The following COMMD10 variants were observed in gnomAD, a reference collection of about 807,000 sequenced individuals.
COMMD10 encodes the protein COMM domain-containing protein 10.
Under a neutral mutation model 28.9 loss-of-function variants are expected in COMMD10, and 33 were observed. The observed-to-expected ratio is 1.14, with a 90% CI of 0.87 to 1.53. The LOEUF is 1.53. COMMD10 is among the 40% of genes most tolerant of loss of function. COMMD10 has a pLI of 0.00. For synonymous variants in COMMD10, 110 were observed against 81.7 expected, an observed-to-expected ratio of 1.35 and a Z score of -1.87; for missense variants, 310 against 233.4, an observed-to-expected ratio of 1.33 and a Z score of -2.14.
At chr5:116,111,425 A>T (rs1012697099) in intron 4 of COMMD10, among the ~76,000 whole-genome samples, 2 of 58,516 alleles carry the variant, frequency 3.4e-5, no homozygotes, top group South Asian at 1.5e-3. Flanking sequence ...ATTCCTTCTT[A>T]GCACTGGTTT....
At chr5:116,094,152 A>G (rs570378755) in intron 4 of COMMD10, among the ~76,000 whole-genome samples, 2 of 152,296 alleles carry the variant, frequency 1.3e-5, no homozygotes, top group East Asian at 1.9e-4. Context: ...TGGACAAAAA[A>G]CCCCAAAATA....
At chr5:116,287,398 T>C (rs28857515) in intron 5 of COMMD10, among the ~76,000 whole-genome samples, 3,373 of 151,888 alleles carry the variant, frequency 0.022, 190 homozygotes, top group African/African-American at 0.078. Context: ...TAGCCACTTC[T>C]GCTCTCTTTT....
chr5:116,248,591 C>G (rs1273707306), intron 5 of COMMD10, among the ~76,000 whole-genome samples: 1 of 151,804 alleles, frequency 6.6e-6, no homozygotes, highest in African/African-American at 2.4e-5. Context: ...TACATTTGTC[C>G]TGGTCTAAAG....
intron 4 of COMMD10, among the ~76,000 whole-genome samples, chr5:116,097,776 G>A (rs994448776): frequency 2.6e-5 from 4 of 152,116 alleles, no homozygotes; most frequent in African/African-American, 9.7e-5. Flanking sequence ...TGAATGGGGA[G>A]CAGGTGTCTT....
chr5:116,210,916 C>T (rs1446280700), intron 5 of COMMD10, among the ~76,000 whole-genome samples: 1 of 151,822 alleles, frequency 6.6e-6, no homozygotes, highest in East Asian at 1.9e-4. Context: ...TATTATTCCT[C>T]TAGAAAAGAT....
At chr5:116,235,054 A>T (rs1399316817) in intron 5 of COMMD10, among the ~76,000 whole-genome samples, 3 of 152,170 alleles carry the variant, frequency 2.0e-5, no homozygotes, top group Non-Finnish European at 4.4e-5. Flanking sequence ...ATAAAAATCA[A>T]TCATTTGTAT....
intron 5 of COMMD10, among the ~76,000 whole-genome samples, chr5:116,221,430 G>T (rs1177933913): frequency 6.6e-6 from 1 of 152,130 alleles, no homozygotes; most frequent in Non-Finnish European, 1.5e-5. Context: ...CGTTACTGTA[G>T]ATCAGGCGTA....
At position 116,241,714 on chromosome 5, in the gene COMMD10, G is replaced by A. The variant is rs755312013; in HGVS notation, c.511-49803G>A. On this transcript the variant is annotated intron_variant, in intron 5 of 6. Transcript: ENST00000274458. ...TGAATGCTCCGCCTCCCGGGTTCTC[G>A]CCATTCTTCTGCCTTAGCCTTCTGA... Among the ~76,000 whole-genome samples the A allele has an allele frequency of 1.7e-4, 26 of 151,906 alleles. 1 individual carries two copies. Among genetic ancestry groups the A allele is most frequent in the Non-Finnish European group, 2.5e-4 (17 of 67,984 alleles).
chr5:116,271,674 G>A (rs1241685885), intron 5 of COMMD10, among the ~76,000 whole-genome samples: 2 of 151,826 alleles, frequency 1.3e-5, no homozygotes, highest in African/African-American at 2.4e-5. Flanking sequence ...ATTAGAAGGA[G>A]CCTATGTCTA....
At chr5:116,227,785 G>T (rs1749434829) in intron 5 of COMMD10, among the ~76,000 whole-genome samples, 1 of 152,034 alleles carries the variant, frequency 6.6e-6, no homozygotes, top group East Asian at 1.9e-4. Flanking sequence ...TACTATCAGT[G>T]CCTTTAATCA....
chr5:116,258,295 C>A (rs1049523111), intron 5 of COMMD10, among the ~76,000 whole-genome samples: 1 of 151,726 alleles, frequency 6.6e-6, no homozygotes, highest in Non-Finnish European at 1.5e-5. Flanking sequence ...AGCACACTTA[C>A]TCTCTTCCTC....
intron 5 of COMMD10, among the ~76,000 whole-genome samples, chr5:116,196,840 A>C (rs181905917): frequency 6.6e-6 from 1 of 152,090 alleles, no homozygotes; most frequent in East Asian, 1.9e-4. Context: ...TCATATTACT[A>C]ATTTTCAAAT....
intron 5 of COMMD10, among the ~76,000 whole-genome samples, chr5:116,202,531 A>T (rs546131570): frequency 3.3e-5 from 5 of 151,124 alleles, no homozygotes; most frequent in African/African-American, 1.2e-4. Flanking sequence ...ATTTCTCCAC[A>T]TCCTCTCCAG....
At chr5:116,259,359 G>T (rs1337492809) in intron 5 of COMMD10, among the ~76,000 whole-genome samples, 2 of 151,044 alleles carry the variant, frequency 1.3e-5, no homozygotes, top group Non-Finnish European at 2.9e-5. Flanking sequence ...TTTTAATTTT[G>T]TAGCAGTCTT....
intron 4 of COMMD10, among the ~76,000 whole-genome samples, chr5:116,125,037 C>A: frequency 6.6e-6 from 1 of 152,234 alleles, no homozygotes; most frequent in East Asian, 1.9e-4. Flanking sequence ...TTAATTGGAA[C>A]ATTTAGCCCA....
At chr5:116,257,265 G>A (rs965878374) in intron 5 of COMMD10, among the ~76,000 whole-genome samples, 1 of 151,494 alleles carries the variant, frequency 6.6e-6, no homozygotes, top group Non-Finnish European at 1.5e-5. Flanking sequence ...AGATGTTGGA[G>A]CATTTCAGAT....
chr5:116,265,252 T>C (rs1256903184), intron 5 of COMMD10, among the ~76,000 whole-genome samples: 1 of 151,800 alleles, frequency 6.6e-6, no homozygotes, highest in Non-Finnish European at 1.5e-5. Flanking sequence ...ATATTGACTT[T>C]TTTTTCACTA....
chr5:116,093,866 A>T (rs1463925669), intron 4 of COMMD10, among the ~76,000 whole-genome samples: 1 of 152,216 alleles, frequency 6.6e-6, no homozygotes, highest in Non-Finnish European at 1.5e-5. Context: ...CCCAGAAGTA[A>T]ACCCATGTAT....
At chr5:116,146,457 G>A (rs1752353914) in intron 5 of COMMD10, among the ~76,000 whole-genome samples, 1 of 151,738 alleles carries the variant, frequency 6.6e-6, no homozygotes, top group South Asian at 2.1e-4. Context: ...TCTGAATCTG[G>A]TATTCTTATT....
Sources: gnomAD v4.1 joint callset for allele counts (sites outside exome capture counted in the v4.1 genomes callset) on GRCh38, gnomAD v4.1.1 for gene constraint, MANE v1.5 for transcripts, NCBI Gene and HGNC (gene_info 2026-07-23, HGNC 2026-07-21) for gene names.